KIAA1328: variants seen among roughly 807,000 people sequenced by gnomAD.
KIAA1328 encodes the protein protein hinderin.
Under a neutral mutation model 68.1 loss-of-function variants are expected in KIAA1328, and 52 were observed. The observed-to-expected ratio is 0.76, with a 90% CI of 0.61 to 0.96. The LOEUF is 0.96. KIAA1328 is among the 40% of genes least tolerant of loss of function. The pLI is 0.00. For synonymous variants in KIAA1328, 232 were observed against 239.4 expected (o/e 0.97, Z 0.28); for missense variants, 641 against 677.6 (o/e 0.95, Z 0.60).
intron 7 of KIAA1328, among the ~76,000 whole-genome samples, chr18:37,112,688 G>T (rs1409477733): frequency 6.6e-6 from 1 of 152,192 alleles, no homozygotes; most frequent in East Asian, 1.9e-4. Flanking sequence ...GGCTTCAGAA[G>T]ATCGGTAATA....
intron 6 of KIAA1328, among the ~76,000 whole-genome samples, chr18:36,988,225 T>G (rs557045089): frequency 6.6e-6 from 1 of 152,214 alleles, no homozygotes; most frequent in South Asian, 2.1e-4. Context: ...ATATGAATAT[T>G]TTCTCCAGAT....
intron 9 of KIAA1328, chr18:37,193,639 A>G: frequency 1.4e-6 from 1 of 702,618 alleles, no homozygotes; most frequent in Non-Finnish European, 2.6e-6. Context: ...ATTTCTTCAT[A>G]TTGTTCTCCT....
chr18:37,086,975 G>A (rs377344539), intron 7 of KIAA1328, among the ~76,000 whole-genome samples: 16 of 152,092 alleles, frequency 1.1e-4, no homozygotes, highest in Non-Finnish European at 2.2e-4. Context: ...TCTCTTTTGA[G>A]AACTCATCTT....
rs138331123 is a variant in KIAA1328, at chr18:37,129,186, C to T, written c.1233-31014C>T. Among the ~76,000 whole-genome samples the T allele has an allele frequency of 2.4e-3, 364 of 151,488 alleles. 1 individual carries two copies. Among genetic ancestry groups the T allele is most frequent in the Non-Finnish European group, 2.2e-3 (148 of 67,816 alleles). On this transcript the variant is annotated intron_variant, in intron 7 of 9. Transcript: ENST00000280020. ...ACCATACCTCAATATTAAAAAAAAC[C>T]CTAAAGATGAATCTGCTTATTGACC... is the stretch of plus-strand genomic sequence containing the variant.
downstream of KIAA1328, among the ~76,000 whole-genome samples, chr18:37,227,024 C>T (rs1232882138): frequency 6.6e-6 from 1 of 152,204 alleles, no homozygotes; most frequent in Non-Finnish European, 1.5e-5. Context: ...GCCTCGGCCT[C>T]TCAAAGTGCT....
At chr18:37,200,087 C>G (rs2060079872) in intron 9 of KIAA1328, among the ~76,000 whole-genome samples, 1 of 152,148 alleles carries the variant, frequency 6.6e-6, no homozygotes, top group Non-Finnish European at 1.5e-5. Flanking sequence ...TTAGAACAAT[C>G]TCTGTTTGAA....
At chr18:36,873,440 G>A (rs1420685040) in intron 4 of KIAA1328, among the ~76,000 whole-genome samples, 2 of 152,186 alleles carry the variant, frequency 1.3e-5, no homozygotes, top group Non-Finnish European at 2.9e-5. Flanking sequence ...ATCAGAATGA[G>A]CAAGAGTAAA....
chr18:36,890,350 G>A (rs185513325), intron 5 of KIAA1328, among the ~76,000 whole-genome samples: 7 of 151,636 alleles, frequency 4.6e-5, no homozygotes, highest in Non-Finnish European at 1.0e-4. Flanking sequence ...AAGATAAAAT[G>A]GCAGAAAAAG....
chr18:37,003,414 A>G (rs1295263176), intron 6 of KIAA1328, among the ~76,000 whole-genome samples: 1 of 152,156 alleles, frequency 6.6e-6, no homozygotes, highest in Non-Finnish European at 1.5e-5. Flanking sequence ...GTTGAATGAC[A>G]GAAAATATTT....
At chr18:36,940,503 C>G (rs2050667998) in intron 5 of KIAA1328, among the ~76,000 whole-genome samples, 2 of 152,126 alleles carry the variant, frequency 1.3e-5, no homozygotes, top group African/African-American at 4.8e-5. Context: ...ACAAAGCTTG[C>G]TGTAGTTGTG....
intron 7 of KIAA1328, among the ~76,000 whole-genome samples, chr18:37,068,840 G>A (rs1036712709): frequency 1.6e-4 from 24 of 151,954 alleles, no homozygotes; most frequent in African/African-American, 5.6e-4. Flanking sequence ...GCCCAGGCTG[G>A]TCTTGAACTT....
chr18:37,099,257 A>G (rs1436903384), intron 7 of KIAA1328, among the ~76,000 whole-genome samples: 1 of 152,156 alleles, frequency 6.6e-6, no homozygotes, highest in South Asian at 2.1e-4. Context: ...TGTGTCCCAG[A>G]GATTCTGGTA....
At chr18:37,087,553 G>A (rs2057141317) in intron 7 of KIAA1328, among the ~76,000 whole-genome samples, 1 of 152,110 alleles carries the variant, frequency 6.6e-6, no homozygotes, top group Non-Finnish European at 1.5e-5. Context: ...TTCCACAAAT[G>A]TCTGATGATC....
intron 5 of KIAA1328, among the ~76,000 whole-genome samples, chr18:36,919,877 G>A (rs943418556): frequency 1.3e-5 from 2 of 152,152 alleles, no homozygotes; most frequent in Non-Finnish European, 2.9e-5. Flanking sequence ...CCTTTGAGAA[G>A]TGTCTGTTCA....
intron 6 of KIAA1328, among the ~76,000 whole-genome samples, chr18:36,988,981 A>G (rs781070859): frequency 1.6e-4 from 25 of 152,326 alleles, no homozygotes; most frequent in Non-Finnish European, 2.4e-4. Context: ...CATGCAGTAA[A>G]TGCTTTATGA....
Position 36,885,591 on chromosome 18 carries a change from CTG to C in KIAA1328, c.368_369del (p.Leu123GlnfsTer3). The C allele has an allele frequency of 1.3e-6, 2 of 1,583,746 alleles. No individual in the cohort carries two copies. Among genetic ancestry groups the C allele is most frequent in the Non-Finnish European group, 8.6e-7 (1 of 1,166,952 alleles). On this transcript the variant is annotated frameshift_variant, in exon 5 of 10. Transcript: ENST00000280020. LOFTEE classifies it high-confidence loss of function. ...GGAAAAGGAAGTGACAGAGGAAAGA[CTG>C]AAAGCTGAGCAGGAGTCATTTGAGA... ...SEEKEVTEER[L>X]KAEQESFEKK...
intron 9 of KIAA1328, among the ~76,000 whole-genome samples, chr18:37,180,150 G>T (rs2059672672): frequency 6.6e-6 from 1 of 150,422 alleles, no homozygotes; most frequent in South Asian, 2.1e-4. Flanking sequence ...ATTTATAATT[G>T]CCTGTTCACA....
chr18:36,845,110 T>A (rs1156568638), intron 4 of KIAA1328, among the ~76,000 whole-genome samples: 1 of 151,752 alleles, frequency 6.6e-6, no homozygotes, highest in African/African-American at 2.4e-5. Flanking sequence ...CTCTAAGTCA[T>A]ACAATCATGG....
At chr18:37,220,479 G>T (rs1362130508) in intron 9 of KIAA1328, among the ~76,000 whole-genome samples, 1 of 152,164 alleles carries the variant, frequency 6.6e-6, no homozygotes, top group African/African-American at 2.4e-5. Context: ...CAAACCTGTG[G>T]ATGTTCGCTT....
Sources: allele counts gnomAD v4.1 joint callset (sites outside exome capture counted in the v4.1 genomes callset), GRCh38; gene constraint gnomAD v4.1.1; transcripts MANE v1.5; gene names NCBI Gene and HGNC (gene_info 2026-07-23, HGNC 2026-07-21).